ABHD18: variants seen among roughly 807,000 people sequenced by gnomAD.
ABHD18 encodes the protein cardiolipin-specific deacylase, mitochondrial.
Under a neutral mutation model 65.9 loss-of-function variants are expected in ABHD18, and 55 were observed. That is an observed-to-expected ratio of 0.84 (90% CI 0.67 to 1.05). The LOEUF is 1.05. Among genes scored for constraint, ABHD18 ranks in the 50% least tolerant of loss-of-function variants. The pLI is 0.00. For synonymous variants in ABHD18, 181 were observed against 180.2 expected, an observed-to-expected ratio of 1.00 and a Z score of -0.04; for missense variants, 533 against 558.5, an observed-to-expected ratio of 0.95 and a Z score of 0.46.
intron 10 of ABHD18, among the ~76,000 whole-genome samples, chr4:128,025,003 A>AT (rs1294834090): frequency 6.6e-6 from 1 of 151,800 alleles, no homozygotes; most frequent in Non-Finnish European, 1.5e-5. Context: ...ACCAATTTTA[A>AT]TTCTTTAACT....
chr4:127,973,920 G>A (rs909864797), intron 1 of ABHD18, among the ~76,000 whole-genome samples: 2 of 150,904 alleles, frequency 1.3e-5, no homozygotes, highest in Non-Finnish European at 2.9e-5. Context: ...GTGGAAGTGA[G>A]TTCTTGTCTC....
At chr4:128,009,907 A>G (rs1289224515) in intron 6 of ABHD18, among the ~76,000 whole-genome samples, 1 of 152,220 alleles carries the variant, frequency 6.6e-6, no homozygotes, top group Admixed American at 6.5e-5. Flanking sequence ...AGCATTAGAA[A>G]TAGCTAAATG....
chr4:128,017,427 G>T lies in ABHD18; in HGVS notation c.535G>T (p.Ala179Ser), dbSNP rs1755707532. ...GGGAGGAGCTCTTGTTTTAGAATCT[G>T]CAGCTCTCTTGCACTGGCTAGAGAG... ...VMGGALVLESAALLHWLEREG... is the reference protein window; with the variant it reads ...VMGGALVLESSALLHWLEREG... Residue 179 changes from alanine (A) to serine (S), a missense_variant, in exon 8 of 13, where the codon GCA (alanine) becomes TCA (serine). Ala to Ser is a moderately conservative substitution (Grantham distance 99). Coordinates refer to ENST00000645843, the MANE Select transcript of ABHD18 (RefSeq NM_001358451.3). The T allele has an allele frequency of 6.2e-7, 1 of 1,613,678 alleles. No individual in the cohort carries two copies. The highest frequency in any genetic ancestry group is 8.5e-7 in the Non-Finnish European group (1 of 1,179,722).
intron 10 of ABHD18, among the ~76,000 whole-genome samples, chr4:128,023,851 G>A (rs950742312): frequency 1.1e-4 from 17 of 152,092 alleles, no homozygotes; most frequent in Admixed American, 7.2e-4. Flanking sequence ...GCCACTGCAC[G>A]CCAGCCTGGG....
At chr4:128,010,256 G>T (rs1379949845) in intron 6 of ABHD18, among the ~76,000 whole-genome samples, 2 of 152,214 alleles carry the variant, frequency 1.3e-5, no homozygotes. Context: ...TAGGCCAGGT[G>T]CAGTGGCTCA....
chr4:128,017,159 C>A (rs541427458), intron 7 of ABHD18, among the ~76,000 whole-genome samples: 3 of 152,310 alleles, frequency 2.0e-5, no homozygotes, highest in South Asian at 2.1e-4. Flanking sequence ...CTCAAGCGAT[C>A]CCCCTGCCTC....
At chr4:128,018,133 G>A (rs187532621) in intron 8 of ABHD18, among the ~76,000 whole-genome samples, 24 of 152,202 alleles carry the variant, frequency 1.6e-4, no homozygotes. Context: ...TTCTGTTTCA[G>A]CTGTGACACC....
chr4:127,999,424 C>T (rs1752303188), intron 4 of ABHD18, among the ~76,000 whole-genome samples: 3 of 152,074 alleles, frequency 2.0e-5, no homozygotes, highest in Non-Finnish European at 4.4e-5. Context: ...AAAAACAAAA[C>T]AATGACAACA....
In ABHD18 at chr4:127,988,677, T is replaced by C. The variant is rs532214974; in HGVS notation, c.178-1044T>C. Among the ~76,000 whole-genome samples, 3 of 152,196 alleles carry C rather than the reference T, an allele frequency of 2.0e-5. 1 individual carries two copies. The highest frequency in any genetic ancestry group is 6.3e-3 in the Middle Eastern group (2 of 316). On this transcript the variant is annotated intron_variant, in intron 3 of 12. Coordinates refer to ENST00000645843, the MANE Select transcript of ABHD18 (RefSeq NM_001358451.3). ...CCAACCAGGTATATGAAAAAAATGCTCAGCATCACTAATCATCAGAGAAAT... is the reference window on the plus strand; with the variant it reads ...CCAACCAGGTATATGAAAAAAATGCCCAGCATCACTAATCATCAGAGAAAT...
intron 8 of ABHD18, among the ~76,000 whole-genome samples, chr4:128,018,892 T>G (rs1755986654): frequency 6.6e-6 from 1 of 151,258 alleles, no homozygotes; most frequent in Non-Finnish European, 1.5e-5. Context: ...CACGTGCCTG[T>G]AATCCCAGCT....
intron 4 of ABHD18, among the ~76,000 whole-genome samples, chr4:127,998,502 G>A (rs1752136336): frequency 6.6e-6 from 1 of 150,992 alleles, no homozygotes; most frequent in Non-Finnish European, 1.5e-5. Flanking sequence ...GCCTCCCAAA[G>A]TGCTGGGATT....
chr4:127,989,328 G>C (rs1338524209), intron 3 of ABHD18, among the ~76,000 whole-genome samples: 1 of 152,058 alleles, frequency 6.6e-6, no homozygotes, highest in Non-Finnish European at 1.5e-5. Flanking sequence ...CAAATGTACA[G>C]TCAGATAGAA....
intron 4 of ABHD18, among the ~76,000 whole-genome samples, chr4:127,992,321 A>C (rs2149091893): frequency 6.6e-6 from 1 of 152,170 alleles, no homozygotes; most frequent in Admixed American, 6.5e-5. Flanking sequence ...AAAATACAAA[A>C]AAATTTAGCC....
chr4:127,978,296 G>A (rs562080077), intron 1 of ABHD18, among the ~76,000 whole-genome samples: 1 of 152,064 alleles, frequency 6.6e-6, no homozygotes, highest in Non-Finnish European at 1.5e-5. Flanking sequence ...AAACAGTAGA[G>A]AGAAAATGTT....
At chr4:127,989,148 G>A (rs773929298) in intron 3 of ABHD18, among the ~76,000 whole-genome samples, 6 of 152,136 alleles carry the variant, frequency 3.9e-5, no homozygotes, top group African/African-American at 7.2e-5. Flanking sequence ...GAAGGACATC[G>A]CGTTAAGTAA....
In ABHD18 at chr4:127,989,150, G is replaced by T. The variant is rs78751363; in HGVS notation, c.178-571G>T. 1.1e-3 allele frequency among the ~76,000 whole-genome samples: 170 copies of T among 152,274 alleles called. 2 individuals carry two copies. The highest frequency in any genetic ancestry group is 4.0e-3 in the African/African-American group (165 of 41,544). ...CATGGGTGGAACTGAAGGACATCGC[G>T]TTAAGTAAAATAAGCCAGGCACAGA... On this transcript the variant is annotated intron_variant, in intron 3 of 12. Coordinates refer to ENST00000645843, the MANE Select transcript of ABHD18 (RefSeq NM_001358451.3).
At position 128,035,957 on chromosome 4, in the gene ABHD18, T is replaced by C; in HGVS notation, c.*144T>C. 2 of 450,994 alleles carry C rather than the reference T, an allele frequency of 4.4e-6. No individual in the cohort carries two copies. Among genetic ancestry groups the C allele is most frequent in the Non-Finnish European group, 7.9e-6 (2 of 253,676 alleles). 27.9% of individuals were successfully genotyped at this position (450,994 alleles called of 1,614,324 possible). A position where few individuals can be genotyped will look rare whatever the true frequency, so the allele number is the denominator to read the frequency against. ...TCTGGAATTCATTGTTACACATCAGTTAACTATAAACTTCGAATACATTTG... is the reference window on the plus strand; with the variant it reads ...TCTGGAATTCATTGTTACACATCAGCTAACTATAAACTTCGAATACATTTG... On this transcript the variant is annotated 3_prime_UTR_variant, in exon 13 of 13. Coordinates refer to ENST00000645843, the MANE Select transcript of ABHD18 (RefSeq NM_001358451.3).
chr4:127,989,662 A>G, intron 3 of ABHD18, 59 bp from the exon 4 acceptor site: 2 of 1,185,716 alleles, frequency 1.7e-6, no homozygotes, highest in Non-Finnish European at 2.4e-6. Flanking sequence ...AAGAACATCC[A>G]TGACAGACCA....
chr4:128,028,999 G>A, intron 11 of ABHD18, 146 bp downstream of exon 11: 1 of 633,606 alleles, frequency 1.6e-6, no homozygotes, highest in South Asian at 2.8e-5. Flanking sequence ...AGATAAGTTG[G>A]TTACTTAAAT....
Sources: allele counts gnomAD v4.1 joint callset (sites outside exome capture counted in the v4.1 genomes callset), GRCh38; gene constraint gnomAD v4.1.1; transcripts MANE v1.5; gene names NCBI Gene and HGNC (gene_info 2026-07-23, HGNC 2026-07-21).